RORA: variants seen among roughly 807,000 people sequenced by gnomAD.
The protein encoded by RORA is RAR related orphan receptor A.
A neutral mutation model predicts 69.5 loss-of-function variants in RORA; 7 were observed. That is an observed-to-expected ratio of 0.10 (90% CI 0.06 to 0.19). The LOEUF (loss-of-function observed/expected upper bound fraction) is 0.19, where lower values mean the gene tolerates loss of function less well. Among genes scored for constraint, RORA ranks in the 10% least tolerant of loss-of-function variants. RORA has a pLI of 1.00. For missense variants in RORA, 457 were observed against 663.0 expected (o/e 0.69, Z 3.41); for synonymous variants, 261 against 240.8 (o/e 1.08, Z -0.78).
At chr15:60,793,320 A>C (rs924287015) in intron 1 of RORA, among the ~76,000 whole-genome samples, 5 of 152,228 alleles carry the variant, frequency 3.3e-5, no homozygotes, top group African/African-American at 1.2e-4. Context: ...TCAAGAACTA[A>C]TAAGGCTTAG....
In RORA at chr15:60,499,820, G is replaced by T; in HGVS notation, c.1407+72C>A. The T allele has an allele frequency of 5.0e-6, 4 of 792,638 alleles. No individual in the cohort carries two copies. The South Asian group carries it at 5.1e-5, about 10-fold the overall frequency. 49.1% of individuals were successfully genotyped at this position (792,638 alleles called of 1,614,324 possible). ...TGGGAATTGGTCATATGACTTACAT[G>T]ACCATATTGGCAGCATGATTTGTGC... On this transcript the variant is annotated intron_variant, in intron 10 of 10. Transcript: ENST00000335670.
chr15:61,026,114 G>C (rs1895797642), intron 1 of RORA, among the ~76,000 whole-genome samples: 1 of 152,184 alleles, frequency 6.6e-6, no homozygotes, highest in Admixed American at 6.5e-5. Flanking sequence ...TGGAGCTTTT[G>C]TAAATAACAT....
At chr15:61,029,552 T>C (rs752149470) in intron 1 of RORA, among the ~76,000 whole-genome samples, 30 of 152,056 alleles carry the variant, frequency 2.0e-4, no homozygotes, top group Non-Finnish European at 1.5e-5. Context: ...GGAAAGCTTA[T>C]GTGTAGGCCA....
intron 3 of RORA, among the ~76,000 whole-genome samples, chr15:60,525,411 A>G (rs771413109): frequency 6.6e-6 from 1 of 152,178 alleles, no homozygotes; most frequent in Non-Finnish European, 1.5e-5. Context: ...TGAAATGCTG[A>G]TCTGATGTTT....
intron 1 of RORA, among the ~76,000 whole-genome samples, chr15:60,832,757 G>A (rs1044702482): frequency 6.6e-6 from 1 of 152,108 alleles, no homozygotes; most frequent in Non-Finnish European, 1.5e-5. Flanking sequence ...GTCACATTTT[G>A]TTGAGGAAAA....
chr15:60,772,216 C>A (rs868220183), intron 1 of RORA, among the ~76,000 whole-genome samples: 47 of 152,012 alleles, frequency 3.1e-4, no homozygotes, highest in Admixed American at 7.9e-4. Context: ...CAGGCCCCCA[C>A]CCCCCTGACA....
intron 10 of RORA, among the ~76,000 whole-genome samples, chr15:60,497,936 G>C (rs1472514239): frequency 6.6e-6 from 1 of 151,934 alleles, no homozygotes; most frequent in African/African-American, 2.4e-5. Flanking sequence ...GCGTGCGCCT[G>C]TAATCCCAGC....
chr15:61,101,660 T>G (rs191192003), intron 1 of RORA, among the ~76,000 whole-genome samples: 64 of 152,012 alleles, frequency 4.2e-4, no homozygotes, highest in African/African-American at 1.4e-3. Context: ...GGCTTTTAAT[T>G]TTGTCCTCAG....
At chr15:61,024,597 T>G (rs1284628984) in intron 1 of RORA, among the ~76,000 whole-genome samples, 2 of 151,888 alleles carry the variant, frequency 1.3e-5, no homozygotes, top group East Asian at 3.9e-4. Context: ...ACCACAGGCA[T>G]GCACCACCAC....
At chr15:60,879,147 T>G (rs1039752254) in intron 1 of RORA, among the ~76,000 whole-genome samples, 14 of 152,220 alleles carry the variant, frequency 9.2e-5, no homozygotes, top group African/African-American at 3.4e-4. Flanking sequence ...AGCATACACT[T>G]CATCTCCACT....
At chr15:61,194,968 C>T (rs1050194122) in intron 1 of RORA, among the ~76,000 whole-genome samples, 1 of 147,094 alleles carries the variant, frequency 6.8e-6, no homozygotes, top group Non-Finnish European at 1.5e-5. Flanking sequence ...AGCACCAGAA[C>T]AAAAAAAAAA....
chr15:60,616,302 C>T (rs1393986793), intron 2 of RORA, among the ~76,000 whole-genome samples: 1 of 152,136 alleles, frequency 6.6e-6, no homozygotes, highest in East Asian at 1.9e-4. Flanking sequence ...TATGACGCGT[C>T]TTCAGTGTGT....
chr15:60,830,964 T>C (rs992380205), intron 1 of RORA, among the ~76,000 whole-genome samples: 4 of 152,202 alleles, frequency 2.6e-5, no homozygotes. Context: ...TGTGTATGTG[T>C]GTGGATCCAT....
At chr15:61,200,597 A>G (rs2079886516) in intron 1 of RORA, among the ~76,000 whole-genome samples, 1 of 152,214 alleles carries the variant, frequency 6.6e-6, no homozygotes, top group Non-Finnish European at 1.5e-5. Flanking sequence ...CCTGTGCCTC[A>G]CTAGGTTTGG....
intron 1 of RORA, among the ~76,000 whole-genome samples, chr15:60,855,421 C>T (rs981569700): frequency 6.6e-6 from 1 of 152,254 alleles, no homozygotes; most frequent in Admixed American, 6.5e-5. Context: ...GAGACAAGAC[C>T]AGAGCAGTAT....
At chr15:60,909,593 T>C (rs1397051082) in intron 1 of RORA, among the ~76,000 whole-genome samples, 1 of 152,352 alleles carries the variant, frequency 6.6e-6, no homozygotes, top group South Asian at 2.1e-4. Context: ...GGGAGATTTG[T>C]TAAAGTAGCC....
Position 60,502,876 on chromosome 15 carries a change from A to G in RORA, c.1076-9T>C, listed in dbSNP as rs2065374847. On this transcript the variant is annotated splice_polypyrimidine_tract_variant and intron_variant, in intron 7 of 10. Coordinates refer to ENST00000335670, the MANE Select transcript of RORA (RefSeq NM_134261.3). ...CACCACCTCTAGAGAACCTAAGCAG[A>G]GGCAGAAATGGTTTGGGTCATTTGG... The G allele has an allele frequency of 2.5e-6, 4 of 1,591,590 alleles. No individual in the cohort carries two copies. The highest frequency in any genetic ancestry group is 1.3e-5 in the African/African-American group (1 of 74,390).
In RORA at chr15:60,531,861, A is replaced by T; in HGVS notation, c.197-10T>A. Reference sequence around the variant, plus strand: ...ATAATTTCAATTTGAGCTGCAACAGAAGCACGCAACCAGTTAATTACATTT... The same window carrying T: ...ATAATTTCAATTTGAGCTGCAACAGTAGCACGCAACCAGTTAATTACATTT... On this transcript the variant is annotated splice_polypyrimidine_tract_variant and intron_variant, in intron 2 of 10. Transcript: ENST00000335670. The surrounding 1 kb of genome is among the most constrained non-coding windows in gnomAD (Gnocchi z 4.8). The T allele has an allele frequency of 6.4e-7, 1 of 1,554,668 alleles. No individual in the cohort carries two copies. Among genetic ancestry groups the T allele is most frequent in the Non-Finnish European group, 8.8e-7 (1 of 1,141,428 alleles).
intron 1 of RORA, among the ~76,000 whole-genome samples, chr15:60,970,237 T>C (rs1478176717): frequency 1.3e-5 from 2 of 152,234 alleles, no homozygotes; most frequent in Non-Finnish European, 2.9e-5. Flanking sequence ...CTAATGGTCC[T>C]ATCTCATGGA....
Sources: gnomAD v4.1 joint callset for allele counts (sites outside exome capture counted in the v4.1 genomes callset) on GRCh38, gnomAD v4.1.1 for gene constraint, Gnocchi (gnomAD v3.1) non-coding constraint, MANE v1.5 for transcripts, NCBI Gene and HGNC (gene_info 2026-07-23, HGNC 2026-07-21) for gene names.